The following XKR9 variants were observed in gnomAD, a reference collection of about 807,000 sequenced individuals.
The protein encoded by XKR9 is XK-related protein 9.
A neutral mutation model predicts 32.0 loss-of-function variants in XKR9; 32 were observed. The observed-to-expected ratio is 1.00, with a 90% CI of 0.76 to 1.34. The LOEUF (loss-of-function observed/expected upper bound fraction) is 1.34, where lower values mean the gene tolerates loss of function less well. Among genes scored for constraint, XKR9 ranks in the 40% most tolerant of loss-of-function variants. The probability of loss-of-function intolerance (pLI) is 0.00; values close to 1 mark genes in which losing one functional copy is unlikely to be tolerated. For synonymous variants in XKR9, 168 were observed against 143.4 expected, an observed-to-expected ratio of 1.17 and a Z score of -1.22; for missense variants, 546 against 429.7, an observed-to-expected ratio of 1.27 and a Z score of -2.39.
At chr8:71,018,843 C>A in the XKR9 span, among the ~76,000 whole-genome samples, 1 of 152,142 alleles carries the variant, frequency 6.6e-6, no homozygotes, top group Admixed American at 6.5e-5. Context: ...AAAGTTAATT[C>A]AAAAATCCTT....
the XKR9 span, among the ~76,000 whole-genome samples, chr8:70,846,897 G>A: frequency 6.6e-6 from 1 of 151,930 alleles, no homozygotes; most frequent in Non-Finnish European, 1.5e-5. Flanking sequence ...ATTGGGGACT[G>A]CAACACACCA....
chr8:70,736,582 A>C (rs1460405165), downstream of XKR9, among the ~76,000 whole-genome samples: 1 of 152,152 alleles, frequency 6.6e-6, no homozygotes, highest in Non-Finnish European at 1.5e-5. Flanking sequence ...GTTTTCTTCT[A>C]GGGATTTTAT....
intron 3 of XKR9, among the ~76,000 whole-genome samples, chr8:70,690,938 G>A (rs956290812): frequency 6.6e-6 from 1 of 152,102 alleles, no homozygotes; most frequent in African/African-American, 2.4e-5. Context: ...ACCCAGTAAT[G>A]GAATTGCTGG....
chr8:70,711,573 A>G (rs1805921319), intron 4 of XKR9, among the ~76,000 whole-genome samples: 1 of 152,212 alleles, frequency 6.6e-6, no homozygotes, highest in African/African-American at 2.4e-5. Flanking sequence ...GGAGCTAAAC[A>G]TTGAGTACAC....
the XKR9 span, among the ~76,000 whole-genome samples, chr8:70,996,747 C>G: frequency 6.6e-6 from 1 of 152,148 alleles, no homozygotes; most frequent in East Asian, 1.9e-4. Flanking sequence ...AGGTCACTGT[C>G]CGACCTTCTT....
intron 2 of XKR9, among the ~76,000 whole-genome samples, chr8:70,784,411 T>A (rs79268098): frequency 2.9e-5 from 1 of 35,022 alleles, no homozygotes; most frequent in Admixed American, 2.2e-4. Flanking sequence ...AGTGTACAGA[T>A]TTTTTTTACC....
the XKR9 span, among the ~76,000 whole-genome samples, chr8:70,845,858 G>T: frequency 6.6e-6 from 1 of 152,094 alleles, no homozygotes; most frequent in Non-Finnish European, 1.5e-5. Flanking sequence ...AAGGTAAAGA[G>T]ACCAAAGGCA....
chr8:70,683,369 A>G, intron 3 of XKR9: 1 of 318,314 alleles, frequency 3.1e-6, no homozygotes. Context: ...AGATATTATT[A>G]TGTATTTTTC....
rs547996958 is a variant in XKR9 at position 70,750,096 on chromosome 8, CTT to C, written n.353-39242_353-39241del. 1.6e-3 allele frequency among the ~76,000 whole-genome samples: 246 copies of C among 152,162 alleles called. 2 individuals are homozygous for C. The highest frequency in any genetic ancestry group is 0.014 in the South Asian group (66 of 4,816). ...ATATTTATTGATAAATATTATTTCT[CTT>C]ATTTTTTTCTGGACTATAGAGCCCC... On this transcript the variant is annotated intron_variant and non_coding_transcript_variant, in intron 2 of 3. Transcript: ENST00000520273.
the XKR9 span, among the ~76,000 whole-genome samples, chr8:70,897,995 G>A: frequency 2.0e-5 from 3 of 152,154 alleles, no homozygotes; most frequent in African/African-American, 7.2e-5. Flanking sequence ...CCACTTCAAT[G>A]TCCTGAAGCT....
chr8:70,963,313 C>G, the XKR9 span, among the ~76,000 whole-genome samples: 1 of 152,168 alleles, frequency 6.6e-6, no homozygotes, highest in Non-Finnish European at 1.5e-5. Flanking sequence ...CTTTTTTTGG[C>G]TGCATAGTAT....
intron 4 of XKR9, among the ~76,000 whole-genome samples, chr8:70,710,739 A>G (rs1243926726): frequency 1.3e-5 from 2 of 151,726 alleles, no homozygotes; most frequent in African/African-American, 4.9e-5. Context: ...AAATAAACAA[A>G]CAAAAAACAA....
the XKR9 span, among the ~76,000 whole-genome samples, chr8:71,055,151 A>G: frequency 1.3e-5 from 2 of 152,252 alleles, no homozygotes; most frequent in Admixed American, 1.3e-4. Context: ...GTTTGGGATT[A>G]CATTTATGAC....
the XKR9 span, among the ~76,000 whole-genome samples, chr8:70,983,015 C>A: frequency 6.6e-6 from 1 of 152,186 alleles, no homozygotes; most frequent in African/African-American, 2.4e-5. Flanking sequence ...GTTGTTACAT[C>A]CAAGAGCTAC....
chr8:70,958,545 G>A, the XKR9 span, among the ~76,000 whole-genome samples: 2 of 152,058 alleles, frequency 1.3e-5, no homozygotes, highest in Non-Finnish European at 2.9e-5. Context: ...CTTTTTAATG[G>A]GGTTGTTTTT....
the XKR9 span, among the ~76,000 whole-genome samples, chr8:70,903,748 T>A: frequency 5.9e-5 from 9 of 152,218 alleles, no homozygotes; most frequent in East Asian, 1.5e-3. Flanking sequence ...CAATTTTAGA[T>A]CTTTCCTGCT....
chr8:70,783,221 T>C (rs538381281), intron 2 of XKR9, among the ~76,000 whole-genome samples: 56 of 151,106 alleles, frequency 3.7e-4, no homozygotes, highest in African/African-American at 1.3e-3. Flanking sequence ...TGGCCATTTG[T>C]ATGTCTTTTT....
chr8:70,920,233 A>G, the XKR9 span, among the ~76,000 whole-genome samples: 1 of 152,210 alleles, frequency 6.6e-6, no homozygotes. Flanking sequence ...TTTTTAAATC[A>G]ATGAAATTAT....
the XKR9 span, among the ~76,000 whole-genome samples, chr8:70,854,459 T>C: frequency 4.6e-5 from 7 of 152,142 alleles, no homozygotes; most frequent in Admixed American, 3.9e-4. Context: ...AAATTTTCTC[T>C]CATTTTGTAG....
Sources: allele counts gnomAD v4.1 joint callset (sites outside exome capture counted in the v4.1 genomes callset), GRCh38; gene constraint gnomAD v4.1.1; transcripts MANE v1.5; gene names NCBI Gene and HGNC (gene_info 2026-07-23, HGNC 2026-07-21).